NRXN1: variants seen among roughly 807,000 people sequenced by gnomAD.
NRXN1 encodes the protein neurexin 1.
In NRXN1, 39 loss-of-function variants were observed where a neutral mutation model predicts 150.9. The observed-to-expected ratio is 0.26, with a 90% CI of 0.20 to 0.34. The LOEUF (loss-of-function observed/expected upper bound fraction) is 0.34, where lower values mean the gene tolerates loss of function less well. Ranked by LOEUF, NRXN1 falls within the 10% of genes least tolerant of loss-of-function variation. The pLI is 1.00. For missense variants in NRXN1, 1,815 were observed against 1,949.9 expected, an observed-to-expected ratio of 0.93 and a Z score of 1.30; for synonymous variants, 924 against 757.0, an observed-to-expected ratio of 1.22 and a Z score of -3.62.
chr2:50,882,566 A>G (rs1679609338), intron 5 of NRXN1, among the ~76,000 whole-genome samples: 1 of 151,874 alleles, frequency 6.6e-6, no homozygotes, highest in Non-Finnish European at 1.5e-5. Flanking sequence ...CCAGCAAACC[A>G]TAAAAAGTTT....
intron 5 of NRXN1, chr2:50,637,382 C>G (rs532451730): frequency 6.6e-6 from 1 of 152,124 alleles, no homozygotes; most frequent in African/African-American, 2.4e-5. Context: ...ATAAAACCAG[C>G]ATCATTCCAG....
At chr2:50,471,016 C>T (rs2111066) in intron 16 of NRXN1, among the ~76,000 whole-genome samples, 134,695 of 151,820 alleles carry the variant, frequency 0.89, 60,001 homozygotes, top group African/African-American at 0.93. Context: ...TACACACCAA[C>T]TGAATAGTGC....
At chr2:50,984,134 ATTTTT>A (rs70958636) in intron 2 of NRXN1, among the ~76,000 whole-genome samples, 26 of 72,804 alleles carry the variant, frequency 3.6e-4, no homozygotes, top group Admixed American at 5.8e-4. Context: ...CGCCAGGCTA[ATTTTT>A]TTTTTTTTTT....
chr2:50,320,766 T>C (rs2075981583), intron 17 of NRXN1, among the ~76,000 whole-genome samples: 1 of 152,108 alleles, frequency 6.6e-6, no homozygotes, highest in African/African-American at 2.4e-5. Flanking sequence ...CTGATGCCAG[T>C]AGCTGCTCTG....
intron 18 of NRXN1, among the ~76,000 whole-genome samples, chr2:50,213,701 GGTTCAAAGAATCTT>G (rs1559103600): frequency 3.5e-5 from 4 of 113,680 alleles, no homozygotes; most frequent in South Asian, 3.0e-4. Flanking sequence ...ATTAGCTAGT[GGTTCAAAGAATCTT>G]GTTTGGACTC....
rs57808424 is a variant in NRXN1, at chr2:50,334,192, A to AATTTTATATATATAT, written c.3365-97223_3365-97222insATATATATATAAAAT. The stretch of plus-strand genomic sequence containing the variant: ...CTGCCTTTCCTTAAGACCAGGACCA[A>AATTTTATATATATAT]ATATATATATATATATATATGTATG... On this transcript the variant is annotated intron_variant, in intron 17 of 22. Transcript: ENST00000401669. Among the ~76,000 whole-genome samples the AATTTTATATATATAT allele has an allele frequency of 4.9e-4, 58 of 118,946 alleles. 1 individual carries two copies. Among genetic ancestry groups the AATTTTATATATATAT allele is most frequent in the Middle Eastern group, 4.1e-3 (1 of 242 alleles). The allele number at this position is 118,946 out of a possible 152,430, so 78.0% of individuals were successfully genotyped here. A position where few individuals can be genotyped will look rare whatever the true frequency, so the allele number is the denominator to read the frequency against.
intron 9 of NRXN1, among the ~76,000 whole-genome samples, chr2:50,551,076 AGG>A (rs1491081530): frequency 1.3e-3 from 147 of 110,862 alleles, no homozygotes; most frequent in Middle Eastern, 4.8e-3. Flanking sequence ...GAAGAAGAAG[AGG>A]AGGAGGAGGA....
intron 19 of NRXN1, among the ~76,000 whole-genome samples, chr2:50,073,328 T>C (rs971979519): frequency 6.6e-6 from 1 of 152,218 alleles, no homozygotes; most frequent in Admixed American, 6.5e-5. Context: ...ATCCCTAGCA[T>C]AAGTCCAGAC....
At chr2:50,512,962 G>A (rs561586991) in intron 12 of NRXN1, among the ~76,000 whole-genome samples, 8 of 152,222 alleles carry the variant, frequency 5.3e-5, no homozygotes, top group Non-Finnish European at 7.4e-5. Flanking sequence ...AGATCTGCAT[G>A]CATCATAAGA....
At chr2:50,223,217 A>T (rs2064041439) in intron 18 of NRXN1, among the ~76,000 whole-genome samples, 1 of 151,976 alleles carries the variant, frequency 6.6e-6, no homozygotes, top group Non-Finnish European at 1.5e-5. Flanking sequence ...AATAATATAA[A>T]TACAGTCTAC....
intron 5 of NRXN1, among the ~76,000 whole-genome samples, chr2:50,647,646 C>A (rs969720): frequency 6.6e-6 from 1 of 151,760 alleles, no homozygotes; most frequent in Non-Finnish European, 1.5e-5. Flanking sequence ...ATTCCACTTC[C>A]AAGTAATACA....
At chr2:50,927,267 T>G (rs1407946669) in intron 2 of NRXN1, among the ~76,000 whole-genome samples, 3 of 152,018 alleles carry the variant, frequency 2.0e-5, no homozygotes, top group Non-Finnish European at 2.9e-5. Context: ...AAATCAACAA[T>G]TTTGTTTAAA....
chr2:50,971,665 AAC>A (rs1695025200), intron 2 of NRXN1, among the ~76,000 whole-genome samples: 1 of 152,088 alleles, frequency 6.6e-6, no homozygotes, highest in Non-Finnish European at 1.5e-5. Flanking sequence ...TTCCTTGAAA[AAC>A]ACTCCATTCA....
At chr2:50,260,427 A>C (rs768991308) in intron 17 of NRXN1, among the ~76,000 whole-genome samples, 16 of 151,858 alleles carry the variant, frequency 1.1e-4, no homozygotes, top group Non-Finnish European at 2.1e-4. Context: ...TCCTTTTAGT[A>C]AGATGTAGGA....
intron 18 of NRXN1, among the ~76,000 whole-genome samples, chr2:50,161,357 T>G (rs1015799473): frequency 3.3e-5 from 5 of 152,184 alleles, no homozygotes; most frequent in Admixed American, 2.0e-4. Flanking sequence ...TCAAATCATT[T>G]GGCTCCAAAC....
intron 17 of NRXN1, among the ~76,000 whole-genome samples, chr2:50,436,008 T>C (rs1380776625): frequency 6.6e-6 from 1 of 152,078 alleles, no homozygotes; most frequent in African/African-American, 2.4e-5. Context: ...ATTTTACATA[T>C]AACTAACATA....
intron 17 of NRXN1, among the ~76,000 whole-genome samples, chr2:50,268,919 T>C (rs1320440036): frequency 1.3e-5 from 2 of 152,170 alleles, no homozygotes; most frequent in East Asian, 3.9e-4. Context: ...GAAACGATGC[T>C]TCATGCCTGT....
intron 17 of NRXN1, among the ~76,000 whole-genome samples, chr2:50,273,222 T>A (rs1008579691): frequency 1.4e-4 from 22 of 152,284 alleles, no homozygotes; most frequent in African/African-American, 5.3e-4. Context: ...TTTGGCAATC[T>A]ACCAAAATGA....
chr2:50,821,358 C>A (rs1669692635), intron 5 of NRXN1, among the ~76,000 whole-genome samples: 1 of 152,110 alleles, frequency 6.6e-6, no homozygotes, highest in Non-Finnish European at 1.5e-5. Flanking sequence ...CTTCTTCTTC[C>A]AATGTGGTGA....
Sources: gnomAD v4.1 joint callset for allele counts (sites outside exome capture counted in the v4.1 genomes callset) on GRCh38, gnomAD v4.1.1 for gene constraint, MANE v1.5 for transcripts, NCBI Gene and HGNC (gene_info 2026-07-23, HGNC 2026-07-21) for gene names.